SDK1: variants seen among roughly 807,000 people sequenced by gnomAD.
The protein encoded by SDK1 is protein sidekick-1.
A neutral mutation model predicts 245.5 loss-of-function variants in SDK1; 157 were observed. The observed-to-expected ratio is 0.64, with a 90% confidence interval of 0.56 to 0.73. The LOEUF (loss-of-function observed/expected upper bound fraction) is 0.73, where lower values mean the gene tolerates loss of function less well. Among genes scored for constraint, SDK1 ranks in the 30% least tolerant of loss-of-function variants. SDK1 has a pLI of 0.00. For missense variants in SDK1, 3,583 were observed against 3,002.3 expected (o/e 1.19, Z -4.52); for synonymous variants, 1,647 against 1,278.5 (o/e 1.29, Z -6.15).
chr7:3,802,366 T>A (rs1198122024), intron 4 of SDK1, among the ~76,000 whole-genome samples: 1 of 151,738 alleles, frequency 6.6e-6, no homozygotes, highest in Admixed American at 6.6e-5. Flanking sequence ...TCTAAAAAAA[T>A]AAAAATAAAT....
At chr7:3,642,608 A>C (rs1479227227) in intron 4 of SDK1, among the ~76,000 whole-genome samples, 1 of 152,218 alleles carries the variant, frequency 6.6e-6, no homozygotes, top group Non-Finnish European at 1.5e-5. Context: ...CTCTTCATCT[A>C]ATTAGTGGTT....
At chr7:3,682,862 C>G (rs1784151943) in intron 4 of SDK1, among the ~76,000 whole-genome samples, 1 of 152,056 alleles carries the variant, frequency 6.6e-6, no homozygotes, top group Non-Finnish European at 1.5e-5. Flanking sequence ...CCTCAGCCTC[C>G]TGAGTAGCTG....
At chr7:3,820,367 C>T (rs190395043) in intron 4 of SDK1, among the ~76,000 whole-genome samples, 14 of 152,224 alleles carry the variant, frequency 9.2e-5, no homozygotes, top group African/African-American at 3.4e-4. Flanking sequence ...CCAGGATGGT[C>T]TCGATCTCTT....
intron 10 of SDK1, among the ~76,000 whole-genome samples, chr7:3,968,742 G>C (rs1358525743): frequency 6.6e-6 from 1 of 152,178 alleles, no homozygotes; most frequent in Non-Finnish European, 1.5e-5. Context: ...AACAGTGCTA[G>C]CAGGTACTGC....
At chr7:3,497,195 T>A (rs911914192) in intron 1 of SDK1, among the ~76,000 whole-genome samples, 3 of 152,196 alleles carry the variant, frequency 2.0e-5, no homozygotes, top group African/African-American at 7.2e-5. Flanking sequence ...AACAAGGCTG[T>A]TACCACTCAG....
chr7:3,551,558 TG>T (rs1245813598), intron 1 of SDK1, among the ~76,000 whole-genome samples: 6 of 151,628 alleles, frequency 4.0e-5, no homozygotes, highest in Non-Finnish European at 7.4e-5. Context: ...CTTGCCTCAT[TG>T]GTTTTTTTTT....
Position 3,639,408 on chromosome 7 carries a change from G to C in SDK1, c.565+298G>C, listed in dbSNP as rs571765096. 4.6e-5 allele frequency among the ~76,000 whole-genome samples: 7 copies of C among 152,286 alleles called. No individual in the cohort carries two copies. In the South Asian group the frequency reaches 1.5e-3, roughly 32 times the overall value. ...CTGTTTTAGGAATCAGCTGCTCTTA[G>C]CTTGTACTATGTTTGGATTCAAAAT... On this transcript the variant is annotated intron_variant, in intron 3 of 44. Coordinates refer to ENST00000404826, the MANE Select transcript of SDK1 (RefSeq NM_152744.4).
In SDK1 at chr7:4,052,625, G is replaced by C. The variant is rs113409645; in HGVS notation, c.2911+795G>C. Among the ~76,000 whole-genome samples the C allele has an allele frequency of 4.3e-4, 66 of 152,232 alleles. 1 individual carries two copies. Among genetic ancestry groups the C allele is most frequent in the African/African-American group, 1.5e-3 (61 of 41,544 alleles). On this transcript the variant is annotated intron_variant, in intron 19 of 44. Transcript: ENST00000404826. ...GATCCAAATTTTATAAAAATATACT[G>C]TATGAAATATGAACAGAGAAAAGAC...
At position 3,619,119 on chromosome 7, in the gene SDK1, C is replaced by T. The variant is rs1272675141; in HGVS notation, c.338C>T (p.Pro113Leu). 51 of 1,612,482 alleles carry T rather than the reference C, an allele frequency of 3.2e-5. No homozygotes were observed. Among genetic ancestry groups the T allele is most frequent in the Non-Finnish European group, 4.2e-5 (50 of 1,178,850 alleles). Residue 113 changes from proline (P) to leucine (L), a missense_variant, in exon 2 of 45, where the codon CCA becomes CTA. By Grantham distance (98) the Pro-to-Leu change is moderately conservative (BLOSUM62 -3). Coordinates refer to ENST00000404826, the MANE Select transcript of SDK1 (RefSeq NM_152744.4). The part of the protein sequence containing the change: ...APYFKTEPGL[P>L]QIHLEGNRLV... ...TATTTTAAAACGGAGCCAGGCCTACCACAGATCCACCTGGAAGGGAACCGC... is the reference window on the plus strand; with the variant it reads ...TATTTTAAAACGGAGCCAGGCCTACTACAGATCCACCTGGAAGGGAACCGC...
In SDK1 at chr7:3,710,275, C is replaced by T. The variant is rs777278753; in HGVS notation, c.713+68170C>T. 3.0e-4 allele frequency among the ~76,000 whole-genome samples: 45 copies of T among 152,206 alleles called. 1 individual carries two copies. The highest frequency in any genetic ancestry group is 2.5e-4 in the Non-Finnish European group (17 of 68,036). ...TTTGTTATAAAGAGGGTTCATGTTA[C>T]ATTCCTCTGCACCCTCCAGAATGAT... is the stretch of plus-strand genomic sequence containing the variant. On this transcript the variant is annotated intron_variant, in intron 4 of 44. Coordinates refer to ENST00000404826, the MANE Select transcript of SDK1 (RefSeq NM_152744.4).
intron 19 of SDK1, among the ~76,000 whole-genome samples, chr7:4,058,675 A>C (rs1779350205): frequency 6.6e-6 from 1 of 152,240 alleles, no homozygotes; most frequent in African/African-American, 2.4e-5. Context: ...TTACATGCCA[A>C]GAGAAAAATG....
chr7:3,485,701 T>TTTTTTTTTTTTTTTTTTTTTTTTA (rs1340069024), intron 1 of SDK1, among the ~76,000 whole-genome samples: 1 of 145,346 alleles, frequency 6.9e-6, no homozygotes, highest in Non-Finnish European at 1.5e-5. Context: ...TTTTTTTTTT[T>TTTTTTTTTTTTTTTTTTTTTTTTA]TTTTGAGCCA....
intron 1 of SDK1, among the ~76,000 whole-genome samples, chr7:3,544,363 C>G (rs1224172173): frequency 6.6e-6 from 1 of 152,212 alleles, no homozygotes; most frequent in African/African-American, 2.4e-5. Flanking sequence ...CAAGCAGCCA[C>G]AGACCTCTAG....
chr7:3,955,353 C>T (rs1284582000), intron 7 of SDK1, among the ~76,000 whole-genome samples: 1 of 152,194 alleles, frequency 6.6e-6, no homozygotes, highest in Admixed American at 6.5e-5. Flanking sequence ...CTCTGCTGTC[C>T]CCTGTGCCTC....
chr7:3,734,468 T>C lies in SDK1; in HGVS notation c.714-86982T>C, dbSNP rs151054915. 4.8e-3 allele frequency among the ~76,000 whole-genome samples: 737 copies of C among 152,364 alleles called. 6 individuals are homozygous for C. Among genetic ancestry groups the C allele is most frequent in the African/African-American group, 0.017 (699 of 41,584 alleles). On this transcript the variant is annotated intron_variant, in intron 4 of 44. Transcript: ENST00000404826. Reference sequence around the variant, plus strand: ...ATCCACTTATAGATGGTGTTAAGAATGATCCTTGAAAAGGGATGTACTTTA... The same window carrying C: ...ATCCACTTATAGATGGTGTTAAGAACGATCCTTGAAAAGGGATGTACTTTA...
chr7:3,761,306 A>C (rs1413805126), intron 4 of SDK1, among the ~76,000 whole-genome samples: 1 of 73,712 alleles, frequency 1.4e-5, no homozygotes, highest in Non-Finnish European at 2.5e-5. Context: ...CTATTTAGTT[A>C]TTAGGTGGCA....
intron 1 of SDK1, among the ~76,000 whole-genome samples, chr7:3,399,339 T>G (rs1236541722): frequency 2.0e-5 from 3 of 152,078 alleles, no homozygotes; most frequent in African/African-American, 7.2e-5. Flanking sequence ...TGACATTTTT[T>G]ATTTTGTGAG....
intron 4 of SDK1, among the ~76,000 whole-genome samples, chr7:3,711,716 C>T (rs1240547868): frequency 6.6e-6 from 1 of 152,032 alleles, no homozygotes; most frequent in Non-Finnish European, 1.5e-5. Flanking sequence ...AGGGTCAAGG[C>T]AGGGTGGGAG....
At chr7:3,483,566 C>G (rs887658854) in intron 1 of SDK1, among the ~76,000 whole-genome samples, 1 of 152,128 alleles carries the variant, frequency 6.6e-6, no homozygotes, top group Non-Finnish European at 1.5e-5. Flanking sequence ...ATTGCAATCC[C>G]TGCACCACTA....
Sources: gnomAD v4.1 joint callset for allele counts (sites outside exome capture counted in the v4.1 genomes callset) on GRCh38, gnomAD v4.1.1 for gene constraint, MANE v1.5 for transcripts, NCBI Gene and HGNC (gene_info 2026-07-23, HGNC 2026-07-21) for gene names.